The following VAPB variants were observed in gnomAD, a reference collection of about 807,000 sequenced individuals.
VAPB encodes the protein vesicle-associated membrane protein-associated protein B/C.
VAPB carries 7 observed loss-of-function variants against 25.6 expected under a neutral mutation model. The ratio of observed to expected loss-of-function variants is 0.27; its 90% CI spans 0.16 to 0.51. The LOEUF is 0.51. Among genes scored for constraint, VAPB ranks in the 20% least tolerant of loss-of-function variants. The pLI is 0.97. For synonymous variants in VAPB, 112 were observed against 109.2 expected (o/e 1.03, Z -0.16); for missense variants, 266 against 301.3 (o/e 0.88, Z 0.87).
intron 1 of VAPB, among the ~76,000 whole-genome samples, chr20:58,396,094 G>T (rs564585821): frequency 4.0e-5 from 6 of 151,188 alleles, no homozygotes; most frequent in South Asian, 2.1e-4. Context: ...GCATAGTCCC[G>T]TGAGAAAACC....
At chr20:58,441,775 A>G (rs1989167593) in intron 5 of VAPB, among the ~76,000 whole-genome samples, 1 of 152,238 alleles carries the variant, frequency 6.6e-6, no homozygotes, top group African/African-American at 2.4e-5. Flanking sequence ...CTTTTTTCAG[A>G]GAGTGAATAC....
rs1192673809 is a variant in VAPB, at chr20:58,441,214, C to T, written c.573+131C>T. ...TTGGTATTTGGCTATTTTTTTCTCC[C>T]CAGGGAGAAATTTCCATGGCTTTCA... On this transcript the variant is annotated intron_variant, in intron 5 of 5. Transcript: ENST00000475243. 6.6e-5 allele frequency: 67 copies of T among 1,021,364 alleles called. 2 individuals carry two copies. In the Admixed American group the frequency reaches 1.4e-3, roughly 21 times the overall value. 63.3% of individuals were successfully genotyped at this position (1,021,364 alleles called of 1,614,324 possible). A position where few individuals can be genotyped will look rare whatever the true frequency, so the allele number is the denominator to read the frequency against.
intron 2 of VAPB, chr20:58,431,172 A>G (rs941293138): frequency 6.6e-6 from 1 of 152,248 alleles, no homozygotes; most frequent in African/African-American, 2.4e-5. Context: ...ACTAAAACAC[A>G]TCAGTCTCTG....
intron 1 of VAPB, among the ~76,000 whole-genome samples, chr20:58,417,603 G>A (rs1988573235): frequency 6.6e-6 from 1 of 152,186 alleles, no homozygotes; most frequent in Admixed American, 6.5e-5. Context: ...TGCCCAGCAG[G>A]ACTCTGAACT....
chr20:58,424,464 A>G (rs994115393), intron 2 of VAPB, among the ~76,000 whole-genome samples: 1 of 152,014 alleles, frequency 6.6e-6, no homozygotes, highest in Non-Finnish European at 1.5e-5. Flanking sequence ...GCCTCGGGGA[A>G]TTGTTCTCCA....
intron 1 of VAPB, among the ~76,000 whole-genome samples, chr20:58,402,561 C>CTTT (rs1568700275): frequency 2.7e-5 from 3 of 112,014 alleles, no homozygotes; most frequent in Admixed American, 8.9e-5. Context: ...GCCCCCCCAC[C>CTTT]CTTTTTTTTT....
chr20:58,414,195 C>T (rs1389052540), intron 1 of VAPB, among the ~76,000 whole-genome samples: 2 of 108,288 alleles, frequency 1.8e-5, no homozygotes, highest in Non-Finnish European at 4.0e-5. Context: ...CACCTCCCTC[C>T]CTGACGGGGC....
Position 58,446,180 on chromosome 20 carries a change from A to G in VAPB, c.*1945A>G. 2.2e-6 allele frequency: 1 copy of G among 454,098 alleles called. No individual in the cohort carries two copies. The highest frequency in any genetic ancestry group is 4.4e-6 in the Non-Finnish European group (1 of 226,784). The allele number at this position is 454,098 out of a possible 1,614,324, so 28.1% of individuals were successfully genotyped here. On this transcript the variant is annotated 3_prime_UTR_variant, in exon 6 of 6. Transcript: ENST00000475243. ...GTGTGCAGACAGGGAGGCCACCCCA[A>G]TAGGAATTCGTCTCCAGGATTTTTC... is the stretch of plus-strand genomic sequence containing the variant.
chr20:58,406,017 C>G (rs1333817217), intron 1 of VAPB, among the ~76,000 whole-genome samples: 1 of 152,020 alleles, frequency 6.6e-6, no homozygotes, highest in Non-Finnish European at 1.5e-5. Flanking sequence ...CTGCTTTTGG[C>G]CTAAGCAGTT....
intron 2 of VAPB, among the ~76,000 whole-genome samples, chr20:58,419,710 C>G (rs977084172): frequency 1.3e-5 from 2 of 152,158 alleles, no homozygotes; most frequent in Admixed American, 1.3e-4. Flanking sequence ...TTTCTGTATC[C>G]TCTGGATATG....
chr20:58,443,356 C>T (rs1340746551), intron 5 of VAPB, among the ~76,000 whole-genome samples: 1 of 148,622 alleles, frequency 6.7e-6, no homozygotes, highest in East Asian at 2.0e-4. Flanking sequence ...CAGCTATCTA[C>T]AGAGCTCTGC....
At chr20:58,412,159 G>A (rs981943499) in intron 1 of VAPB, among the ~76,000 whole-genome samples, 2 of 151,958 alleles carry the variant, frequency 1.3e-5, no homozygotes, top group Non-Finnish European at 1.5e-5. Flanking sequence ...TTTTGTTTTG[G>A]TGTTGTAAGT....
At chr20:58,427,880 GGCGAAA>G (rs1988838746) in intron 2 of VAPB, among the ~76,000 whole-genome samples, 1 of 149,624 alleles carries the variant, frequency 6.7e-6, no homozygotes, top group African/African-American at 2.5e-5. Context: ...TTATGATGCA[GGCGAAA>G]GTGATCTGTG....
chr20:58,396,934 G>A (rs901111614), intron 1 of VAPB, among the ~76,000 whole-genome samples: 10 of 152,196 alleles, frequency 6.6e-5, no homozygotes, highest in African/African-American at 9.7e-5. Context: ...CACAGGCAAA[G>A]CCTTGTACTT....
chr20:58,430,334 A>G (rs1361485307), intron 2 of VAPB, among the ~76,000 whole-genome samples: 2 of 151,614 alleles, frequency 1.3e-5, no homozygotes, highest in Non-Finnish European at 2.9e-5. Flanking sequence ...CATGAGGGAC[A>G]GAGTGAGACT....
rs116152728 is a variant in VAPB at position 58,425,783 on chromosome 20, G to A, written c.211+7420G>A. Among the ~76,000 whole-genome samples the A allele has an allele frequency of 3.0e-3, 456 of 152,286 alleles. 4 individuals are homozygous for A. The highest frequency in any genetic ancestry group is 0.011 in the African/African-American group (437 of 41,566). ...GCAGCCCTGCTAACACAAAAATTCC[G>A]GAGGTGGGGTCCAGCAGTCTGTGTT... On this transcript the variant is annotated intron_variant, in intron 2 of 5. Coordinates refer to ENST00000475243, the MANE Select transcript of VAPB (RefSeq NM_004738.5).
intron 1 of VAPB, among the ~76,000 whole-genome samples, chr20:58,401,647 C>A (rs1396634005): frequency 1.3e-5 from 2 of 152,038 alleles, no homozygotes; most frequent in Non-Finnish European, 2.9e-5. Context: ...ACCTTCTCCC[C>A]CTCTTCTCCT....
chr20:58,437,670 G>GGT (rs1226399247), intron 3 of VAPB, among the ~76,000 whole-genome samples: 3 of 152,144 alleles, frequency 2.0e-5, no homozygotes, highest in East Asian at 3.9e-4. Flanking sequence ...CACGTGTACA[G>GGT]GTGTGTGTGT....
At chr20:58,389,580 G>C in intron 1 of VAPB, 63 bp downstream of exon 1, 2 of 1,494,538 alleles carry the variant, frequency 1.3e-6, no homozygotes, top group Non-Finnish European at 1.8e-6. Flanking sequence ...GAAGGACGGA[G>C]CCCGGCGCGG....
Sources: gnomAD v4.1 joint callset for allele counts (sites outside exome capture counted in the v4.1 genomes callset) on GRCh38, gnomAD v4.1.1 for gene constraint, MANE v1.5 for transcripts, NCBI Gene and HGNC (gene_info 2026-07-23, HGNC 2026-07-21) for gene names.